STARD13: variants seen among roughly 807,000 people sequenced by gnomAD.
STARD13 encodes the protein StAR related lipid transfer domain containing 13, also known as stAR-related lipid transfer protein 13.
In STARD13, 62 loss-of-function variants were observed where a neutral mutation model predicts 106.4. The observed-to-expected ratio is 0.58, with a 90% CI of 0.48 to 0.72. The LOEUF is 0.72. STARD13 is among the 30% of genes least tolerant of loss of function. The pLI is 0.00. For synonymous variants in STARD13, 565 were observed against 553.0 expected (o/e 1.02, Z -0.31); for missense variants, 1,387 against 1,424.0 (o/e 0.97, Z 0.42).
At chr13:33,619,730 T>C in the STARD13 span, among the ~76,000 whole-genome samples, 3 of 152,128 alleles carry the variant, frequency 2.0e-5, no homozygotes, top group Non-Finnish European at 4.4e-5. Flanking sequence ...AATAAGAAGA[T>C]AGATTTGAGC....
intron 1 of STARD13, among the ~76,000 whole-genome samples, chr13:33,293,309 G>A (rs1192049842): frequency 6.6e-6 from 1 of 152,198 alleles, no homozygotes; most frequent in Non-Finnish European, 1.5e-5. Flanking sequence ...CTGGCACAGA[G>A]TGGGAGGACA....
the STARD13 span, among the ~76,000 whole-genome samples, chr13:33,528,188 T>TATATAC: frequency 3.3e-3 from 461 of 137,680 alleles, 4 homozygotes; most frequent in African/African-American, 0.013. Flanking sequence ...TATATATATA[T>TATATAC]ACACACACAC....
intron 1 of STARD13, among the ~76,000 whole-genome samples, chr13:33,255,658 C>A (rs1033970754): frequency 6.6e-6 from 1 of 152,020 alleles, no homozygotes; most frequent in Non-Finnish European, 1.5e-5. Context: ...CAGAGTGAGC[C>A]CCAAAATGCC....
chr13:33,398,279 C>T, the STARD13 span, among the ~76,000 whole-genome samples: 1 of 152,136 alleles, frequency 6.6e-6, no homozygotes, highest in South Asian at 2.1e-4. Context: ...AATTGGATAT[C>T]TATATGGGAA....
chr13:33,638,894 G>C, the STARD13 span, among the ~76,000 whole-genome samples: 1 of 152,076 alleles, frequency 6.6e-6, no homozygotes, highest in Non-Finnish European at 1.5e-5. Flanking sequence ...AACCAAACTT[G>C]TGGTTATGTT....
chr13:33,319,481 A>T (rs1441878428), intron 1 of STARD13, among the ~76,000 whole-genome samples: 3 of 152,254 alleles, frequency 2.0e-5, no homozygotes, highest in Non-Finnish European at 4.4e-5. Flanking sequence ...AAATTTGTGA[A>T]TATACTAAAA....
the STARD13 span, among the ~76,000 whole-genome samples, chr13:33,605,738 G>A: frequency 1.3e-5 from 2 of 152,240 alleles, no homozygotes; most frequent in East Asian, 3.9e-4. Flanking sequence ...TTAGTGATGT[G>A]TAGTTATGTT....
chr13:33,249,702 A>G lies in STARD13; in HGVS notation c.169+35768T>C, dbSNP rs539536430. On this transcript the variant is annotated intron_variant, in intron 1 of 13. Transcript: ENST00000336934. ...ATTTAAATCTGCATGTTTAATTCCA[A>G]TGACAGTATCCTTTCCACTTCCTCA... Among the ~76,000 whole-genome samples, 65 of 152,312 alleles carry G rather than the reference A, an allele frequency of 4.3e-4. 2 individuals are homozygous for G. The South Asian group carries it at 0.011, about 26-fold the overall frequency.
At chr13:33,410,841 C>A in the STARD13 span, among the ~76,000 whole-genome samples, 321 of 152,280 alleles carry the variant, frequency 2.1e-3, no homozygotes, top group African/African-American at 7.4e-3. Flanking sequence ...CAGGAGGTGG[C>A]CTCTCCCAGC....
chr13:33,200,678 A>T (rs1886955045), intron 1 of STARD13, among the ~76,000 whole-genome samples: 1 of 152,176 alleles, frequency 6.6e-6, no homozygotes, highest in Admixed American at 6.5e-5. Flanking sequence ...ACTTGCACCC[A>T]CTTACTCTGT....
chr13:33,256,663 A>T (rs987901710), intron 1 of STARD13, among the ~76,000 whole-genome samples: 5 of 152,242 alleles, frequency 3.3e-5, no homozygotes, highest in Admixed American at 6.5e-5. Context: ...TTAACAAACC[A>T]GAATCAGTTC....
the STARD13 span, among the ~76,000 whole-genome samples, chr13:33,614,246 C>T: frequency 7.9e-6 from 1 of 125,852 alleles, no homozygotes; most frequent in East Asian, 2.3e-4. Flanking sequence ...CCTAAATAGA[C>T]CGTATCTCTA....
chr13:33,609,571 T>C, the STARD13 span, among the ~76,000 whole-genome samples: 1 of 125,524 alleles, frequency 8.0e-6, no homozygotes, highest in Middle Eastern at 3.6e-3. Flanking sequence ...CTTTCTTTCT[T>C]TTTTTTTTTT....
the STARD13 span, among the ~76,000 whole-genome samples, chr13:33,621,596 C>G: frequency 7.0e-6 from 1 of 141,916 alleles, no homozygotes; most frequent in African/African-American, 2.6e-5. Flanking sequence ...AGAAGAATGG[C>G]GTGAACCCGG....
At chr13:33,645,130 T>C in the STARD13 span, among the ~76,000 whole-genome samples, 3 of 152,120 alleles carry the variant, frequency 2.0e-5, no homozygotes, top group Non-Finnish European at 4.4e-5. Flanking sequence ...TTGGCTGGCA[T>C]TGTGACTTAT....
At chr13:33,586,468 T>C in the STARD13 span, among the ~76,000 whole-genome samples, 1 of 152,198 alleles carries the variant, frequency 6.6e-6, no homozygotes, top group Non-Finnish European at 1.5e-5. Context: ...TACATGGCCC[T>C]TTCTAGAAGA....
the STARD13 span, among the ~76,000 whole-genome samples, chr13:33,414,261 C>A: frequency 6.6e-6 from 1 of 152,146 alleles, no homozygotes; most frequent in African/African-American, 2.4e-5. Context: ...ATCTGGTAGA[C>A]ACTTCAGAAA....
the STARD13 span, among the ~76,000 whole-genome samples, chr13:33,449,345 T>C: frequency 1.3e-5 from 2 of 152,202 alleles, no homozygotes; most frequent in African/African-American, 4.8e-5. Context: ...CCTAACACTA[T>C]TTATTGAAGA....
the STARD13 span, among the ~76,000 whole-genome samples, chr13:33,477,015 G>A: frequency 2.0e-5 from 3 of 152,178 alleles, no homozygotes; most frequent in African/African-American, 4.8e-5. Flanking sequence ...GGGCACATGA[G>A]ATTTTAAGAG....
Sources: allele counts gnomAD v4.1 joint callset (sites outside exome capture counted in the v4.1 genomes callset), GRCh38; gene constraint gnomAD v4.1.1; transcripts MANE v1.5; gene names NCBI Gene and HGNC (gene_info 2026-07-23, HGNC 2026-07-21).